STARD9: variants seen among roughly 807,000 people sequenced by gnomAD.
STARD9 encodes StAR related lipid transfer domain containing 9, also known as stAR-related lipid transfer protein 9.
In STARD9, 346 loss-of-function variants were observed where a neutral mutation model predicts 399.8. The observed-to-expected ratio is 0.87, with a 90% confidence interval of 0.79 to 0.95. The LOEUF is 0.95. STARD9 is among the 40% of genes least tolerant of loss of function. The pLI is 0.00. For synonymous variants in STARD9, 2,203 were observed against 2,143.5 expected (o/e 1.03, Z -0.77); for missense variants, 5,832 against 5,667.5 (o/e 1.03, Z -0.93).
At chr15:42,605,442 A>G (rs1372595028) in intron 3 of STARD9, among the ~76,000 whole-genome samples, 1 of 152,220 alleles carries the variant, frequency 6.6e-6, no homozygotes, top group Non-Finnish European at 1.5e-5. Flanking sequence ...TGTCAAAATT[A>G]TAAAAGACAG....
At chr15:42,602,812 A>G (rs2058654122) in intron 3 of STARD9, among the ~76,000 whole-genome samples, 1 of 152,232 alleles carries the variant, frequency 6.6e-6, no homozygotes, top group Admixed American at 6.5e-5. Context: ...TGTGGAGTGA[A>G]GTTACAAAGT....
At chr15:42,591,432 A>G (rs1175124091) in intron 3 of STARD9, among the ~76,000 whole-genome samples, 1 of 151,966 alleles carries the variant, frequency 6.6e-6, no homozygotes, top group Non-Finnish European at 1.5e-5. Flanking sequence ...TGGTTGCAGT[A>G]AGCCGAGATC....
chr15:42,695,399 C>G (rs2060821543), intron 25 of STARD9, 76 bp downstream of exon 25: 1 of 1,358,064 alleles, frequency 7.4e-7, no homozygotes, highest in East Asian at 2.5e-5. Flanking sequence ...GTGGCCGCCT[C>G]TGAGTCTTGG....
At chr15:42,584,079 TTTC>T in intron 2 of STARD9, among the ~76,000 whole-genome samples, 1 of 152,036 alleles carries the variant, frequency 6.6e-6, no homozygotes, top group Non-Finnish European at 1.5e-5. Flanking sequence ...GAGGGGTTTC[TTTC>T]TTTCTGGGCC....
chr15:42,656,327 T>TAAAAAAAAAAA lies in STARD9; in HGVS notation c.702+3765_702+3775dup, dbSNP rs869264641. Among the ~76,000 whole-genome samples, 19 of 35,340 alleles carry TAAAAAAAAAAA rather than the reference T, an allele frequency of 5.4e-4. 4 individuals are homozygous for TAAAAAAAAAAA. Among genetic ancestry groups the TAAAAAAAAAAA allele is most frequent in the African/African-American group, 8.7e-4 (8 of 9,218 alleles). The allele number at this position is 35,340 out of a possible 152,430, so 23.2% of individuals were successfully genotyped here. ...ATGCCACTGCACTCCAGCCATCTCC[T>TAAAAAAAAAAA]AAAAAAAAAAAAAAAAAAAAAAAAA... On this transcript the variant is annotated intron_variant, in intron 9 of 32. Transcript: ENST00000290607.
intron 13 of STARD9, among the ~76,000 whole-genome samples, chr15:42,664,789 A>AACACACACACACACACACACAC (rs55773330): frequency 1.5e-4 from 21 of 144,824 alleles, no homozygotes; most frequent in African/African-American, 4.3e-4. Flanking sequence ...TTTATCCTTT[A>AACACACACACACACACACACAC]ACACACACAC....
chr15:42,717,205 T>C (rs113911104), intron 28 of STARD9, among the ~76,000 whole-genome samples, 157 bp downstream of exon 28: 72 of 152,106 alleles, frequency 4.7e-4, no homozygotes, highest in African/African-American at 1.7e-3. Context: ...GGAATTCGGG[T>C]CAGGCGCAGT....
In STARD9 at chr15:42,687,233, G is replaced by A. The variant is rs1312097687; in HGVS notation, c.5655G>A (p.Glu1885=). The change falls in exon 23 of 33, where the codon GAG becomes GAA. Residue 1885 remains glutamate (E), a synonymous_variant. Coordinates refer to ENST00000290607, the MANE Select transcript of STARD9 (RefSeq NM_020759.3). ...AAAAACACAGTTTTCCAGCACTTGA[G>A]GGAGGAGAGGTCACTGCTCAGTCCT... The part of the protein sequence containing the change: ...LNKKHSFPAL[E]GGEVTAQSCC... The A allele has an allele frequency of 6.5e-7, 1 of 1,537,180 alleles. No homozygotes were observed. The highest frequency in any genetic ancestry group is 1.2e-5 in the South Asian group (1 of 84,050).
chr15:42,685,547 C>T lies in STARD9; in HGVS notation c.3969C>T (p.Gly1323=). 3.3e-6 allele frequency: 5 copies of T among 1,537,576 alleles called. No individual in the cohort carries two copies. The highest frequency in any genetic ancestry group is 4.4e-6 in the Non-Finnish European group (5 of 1,147,016). ...CTGAACAAGCCGACTCTCTCCAAGG[C>T]ATGCAGCTTTCAAGAGAGAGCCCAC... is the stretch of plus-strand genomic sequence containing the variant. ...SYSEQADSLQ[G]MQLSRESPLM... The change falls in exon 23 of 33, where the codon GGC becomes GGT. Residue 1323 remains glycine, a synonymous_variant. Transcript: ENST00000290607.
chr15:42,675,798 T>G, intron 19 of STARD9, 52 bp downstream of exon 19: 1 of 1,533,304 alleles, frequency 6.5e-7, no homozygotes, highest in Non-Finnish European at 8.7e-7. Flanking sequence ...GTTTCCACCT[T>G]TTAGATGAAA....
chr15:42,657,133 G>C (rs2059892001), intron 9 of STARD9, among the ~76,000 whole-genome samples: 1 of 152,130 alleles, frequency 6.6e-6, no homozygotes, highest in Non-Finnish European at 1.5e-5. Flanking sequence ...GAGGTGGATG[G>C]ATCGCCTGAC....
chr15:42,591,743 T>C (rs891633584), intron 3 of STARD9, among the ~76,000 whole-genome samples: 12 of 152,214 alleles, frequency 7.9e-5, no homozygotes, highest in Non-Finnish European at 1.3e-4. Context: ...AGTGGTGAAA[T>C]GCCTGAGTAA....
At chr15:42,585,673 C>CT in intron 3 of STARD9, 36 bp downstream of exon 3, 1 of 1,271,300 alleles carries the variant, frequency 7.9e-7, no homozygotes, top group Non-Finnish European at 1.1e-6. Flanking sequence ...CACCTCAGTT[C>CT]TTTTTTTATG....
chr15:42,664,262 G>A (rs1181953232), intron 13 of STARD9, among the ~76,000 whole-genome samples: 1 of 152,110 alleles, frequency 6.6e-6, no homozygotes, highest in African/African-American at 2.4e-5. Flanking sequence ...CCAGGCTGGA[G>A]CGCAGTGGTG....
Position 42,685,300 on chromosome 15 carries a change from C to CTA in STARD9, c.3723_3724dup (p.Ser1242IlefsTer5). Reference sequence around the variant, plus strand: ...GAGACTTTTTGGCACCTGGAGGACTCTAGTCTGCCTGTAATGGACCAAGAG... The same window carrying CTA: ...GAGACTTTTTGGCACCTGGAGGACTCTATAGTCTGCCTGTAATGGACCAAGAG... On this transcript the variant is annotated frameshift_variant, in exon 23 of 33. Transcript: ENST00000290607. LOFTEE classifies it high-confidence loss of function. 1.3e-6 allele frequency: 2 copies of CTA among 1,537,518 alleles called. No homozygotes were observed. Among genetic ancestry groups the CTA allele is most frequent in the South Asian group, 2.4e-5 (2 of 84,046 alleles).
chr15:42,678,217 A>G (rs2060352470), intron 20 of STARD9, among the ~76,000 whole-genome samples: 1 of 152,208 alleles, frequency 6.6e-6, no homozygotes, highest in Admixed American at 6.5e-5. Context: ...GACTAGAGAA[A>G]AATATAAATT....
chr15:42,603,357 TG>T (rs2058667305), intron 3 of STARD9, among the ~76,000 whole-genome samples: 1 of 152,092 alleles, frequency 6.6e-6, no homozygotes, highest in Non-Finnish European at 1.5e-5. Flanking sequence ...CCTGACCCTG[TG>T]ATCCTCTCAG....
chr15:42,706,955 T>A (rs2061101298), intron 26 of STARD9, among the ~76,000 whole-genome samples: 1 of 152,196 alleles, frequency 6.6e-6, no homozygotes, highest in South Asian at 2.1e-4. Flanking sequence ...ATAATATATA[T>A]TTATGATTCT....
chr15:42,677,780 C>T (rs778365983), intron 20 of STARD9, among the ~76,000 whole-genome samples: 3 of 152,118 alleles, frequency 2.0e-5, no homozygotes, highest in Admixed American at 1.3e-4. Context: ...ATTGAAAGAG[C>T]GAGTATATAT....
Sources: gnomAD v4.1 joint callset for allele counts (sites outside exome capture counted in the v4.1 genomes callset) on GRCh38, gnomAD v4.1.1 for gene constraint, MANE v1.5 for transcripts, NCBI Gene and HGNC (gene_info 2026-07-23, HGNC 2026-07-21) for gene names.